CRYL1: variants seen among roughly 807,000 people sequenced by gnomAD.
CRYL1 encodes lambda-crystallin homolog.
In CRYL1, 29 loss-of-function variants were observed where a neutral mutation model predicts 36.6. The observed-to-expected ratio is 0.79, with a 90% CI of 0.59 to 1.08. The LOEUF is 1.08. CRYL1 is among the 50% of genes least tolerant of loss of function. The pLI, the probability that CRYL1 is intolerant of heterozygous loss-of-function variation, is 0.00. For missense variants in CRYL1, 411 were observed against 407.9 expected (o/e 1.01, Z -0.06); for synonymous variants, 152 against 151.5 (o/e 1.00, Z -0.02).
At chr13:20,421,553 T>G (rs951875931) in intron 5 of CRYL1, among the ~76,000 whole-genome samples, 2 of 152,172 alleles carry the variant, frequency 1.3e-5, no homozygotes, top group Non-Finnish European at 2.9e-5. Context: ...GCACAAAGGC[T>G]GGCTCCCACA....
At chr13:20,507,132 A>AT (rs2033808305) in intron 2 of CRYL1, among the ~76,000 whole-genome samples, 1 of 152,236 alleles carries the variant, frequency 6.6e-6, no homozygotes, top group South Asian at 2.1e-4. Flanking sequence ...CTATGACTCC[A>AT]TTAAACCTTT....
At chr13:20,420,902 T>G (rs939173656) in intron 5 of CRYL1, among the ~76,000 whole-genome samples, 1 of 151,826 alleles carries the variant, frequency 6.6e-6, no homozygotes, top group Non-Finnish European at 1.5e-5. Context: ...CCTGGCTAAT[T>G]TTTTGTATTT....
chr13:20,461,962 TGGGAGGGCAGCCTGGGGGAGGAGGAGGC>T (rs2032829289), intron 3 of CRYL1, among the ~76,000 whole-genome samples: 1 of 24,142 alleles, frequency 4.1e-5, no homozygotes, highest in Non-Finnish European at 8.2e-5. Flanking sequence ...GAGGAGGAGG[TGGGAGGGCAGCCTGGGGGAGGAGGAGGC>T]GGGAGGACTG....
chr13:20,492,490 G>A (rs9552204), intron 2 of CRYL1, among the ~76,000 whole-genome samples: 32,615 of 152,018 alleles, frequency 0.21, 3,635 homozygotes, highest in East Asian at 0.31. Context: ...GAGGTTTCAG[G>A]GAGAATGCAT....
At position 20,435,851 on chromosome 13, in the gene CRYL1, G is replaced by A. The variant is rs993815092; in HGVS notation, c.439-3555C>T. Among the ~76,000 whole-genome samples the A allele has an allele frequency of 6.6e-6, 1 of 152,146 alleles. No individual in the cohort carries two copies. The highest frequency in any genetic ancestry group is 1.5e-5 in the Non-Finnish European group (1 of 68,016). On this transcript the variant is annotated intron_variant, in intron 4 of 7. Transcript: ENST00000298248. This position sits in a 1 kb window ranked among gnomAD's most constrained non-coding sequence, Gnocchi z 4.0. ...CCAAAACGGCGAGGCCCACAGGGCC[G>A]ACAGCGCCCTCGCGGGAGGCAGCCG...
chr13:20,485,252 C>A (rs1201931967), intron 3 of CRYL1, among the ~76,000 whole-genome samples: 4 of 152,188 alleles, frequency 2.6e-5, no homozygotes. Context: ...CTACTGAGCT[C>A]AGGCAGTCTG....
At chr13:20,423,959 C>A (rs978602727) in intron 5 of CRYL1, among the ~76,000 whole-genome samples, 1 of 151,956 alleles carries the variant, frequency 6.6e-6, no homozygotes, top group Admixed American at 6.6e-5. Flanking sequence ...TTAATAGAGA[C>A]GGGGTTTCAC....
chr13:20,434,329 C>T (rs1301744328), intron 4 of CRYL1, among the ~76,000 whole-genome samples: 1 of 151,906 alleles, frequency 6.6e-6, no homozygotes, highest in Admixed American at 6.5e-5. Context: ...TTGTAAAATA[C>T]ACCAATCAGC....
rs560921626 is a variant in CRYL1, at chr13:20,466,235, A to G, written c.276+23135T>C. On this transcript the variant is annotated intron_variant, in intron 3 of 7. Transcript: ENST00000298248. ...GGCCTCGCAGCCTTCCATACGCCCCAATCTCCAAACAGAGGGGATTAGGAA... is the reference window on the plus strand; with the variant it reads ...GGCCTCGCAGCCTTCCATACGCCCCGATCTCCAAACAGAGGGGATTAGGAA... Among the ~76,000 whole-genome samples, 86 of 152,310 alleles carry G rather than the reference A, an allele frequency of 5.6e-4. No homozygotes were observed. In the South Asian group the frequency reaches 0.017, roughly 30 times the overall value.
chr13:20,436,848 T>TG (rs1426471631), intron 4 of CRYL1, among the ~76,000 whole-genome samples: 1 of 152,062 alleles, frequency 6.6e-6, no homozygotes, highest in African/African-American at 2.4e-5. Flanking sequence ...CACTAATGAT[T>TG]GAAACAAAGG....
At chr13:20,419,332 T>G (rs942180542) in intron 5 of CRYL1, among the ~76,000 whole-genome samples, 13 of 152,144 alleles carry the variant, frequency 8.5e-5, no homozygotes, top group Admixed American at 2.6e-4. Context: ...TTGCTCTTGT[T>G]GTCCAGGCTG....
intron 1 of CRYL1, among the ~76,000 whole-genome samples, chr13:20,521,135 AAAGAAGGAAGAAAGGAAGG>A (rs1315986341): frequency 7.9e-5 from 10 of 127,094 alleles, no homozygotes; most frequent in Admixed American, 7.7e-4. Context: ...GGAAAGAAAG[AAAGAAGGAAGAAAGGAAGG>A]AAGGAACGAA....
At chr13:20,449,018 C>T (rs1044483051) in intron 3 of CRYL1, among the ~76,000 whole-genome samples, 1 of 152,076 alleles carries the variant, frequency 6.6e-6, no homozygotes, top group African/African-American at 2.4e-5. Context: ...AAATACAAAA[C>T]TTAGCCAGGC....
intron 2 of CRYL1, among the ~76,000 whole-genome samples, chr13:20,493,819 A>C (rs1293516610): frequency 6.6e-6 from 1 of 152,206 alleles, no homozygotes; most frequent in Non-Finnish European, 1.5e-5. Flanking sequence ...AGAAAAGGAC[A>C]CAGCCACCCT....
At position 20,432,147 on chromosome 13, in the gene CRYL1, G is replaced by T; in HGVS notation, c.588C>A (p.Asn196Lys). Residue 196 changes from asparagine to lysine, a missense_variant, in exon 5 of 8, where the codon AAC (asparagine) becomes AAA (lysine). Physicochemically the swap from Asn to Lys is moderately conservative, Grantham distance 94 (BLOSUM62 0). Transcript: ENST00000298248. ...VQKEVAGFVL[N>K]RLQYAIISEA... ...CGCTGATGATTGCATATTGCAGGCG[G>T]TTCAGAACGAAGCCGGCCACCTCCT... 6.2e-7 allele frequency: 1 copy of T among 1,614,138 alleles called. No individual in the cohort carries two copies. Among genetic ancestry groups the T allele is most frequent in the Non-Finnish European group, 8.5e-7 (1 of 1,180,020 alleles).
At chr13:20,428,501 G>C (rs1034858285) in intron 5 of CRYL1, among the ~76,000 whole-genome samples, 1 of 152,094 alleles carries the variant, frequency 6.6e-6, no homozygotes, top group Non-Finnish European at 1.5e-5. Context: ...TCACAACAAA[G>C]CATAACCAGG....
chr13:20,413,523 C>T (rs543335059), intron 5 of CRYL1, 136 bp from the exon 6 acceptor site: 27 of 577,188 alleles, frequency 4.7e-5, no homozygotes, highest in African/African-American at 4.5e-4. Context: ...TACCACTTAC[C>T]GAATATGCTT....
At chr13:20,492,360 T>A (rs1314519428) in intron 2 of CRYL1, among the ~76,000 whole-genome samples, 1 of 152,242 alleles carries the variant, frequency 6.6e-6, no homozygotes, top group African/African-American at 2.4e-5. Context: ...TTATTGCTAC[T>A]GTAACAAATT....
At position 20,512,478 on chromosome 13, in the gene CRYL1, C is replaced by G; in HGVS notation, c.114G>C (p.Glu38Asp). 6.2e-7 allele frequency: 1 copy of G among 1,614,094 alleles called. No homozygotes were observed. The highest frequency in any genetic ancestry group is 1.1e-5 in the South Asian group (1 of 91,070). The stretch of plus-strand genomic sequence containing the variant: ...CCAGGGCGTTCCTTATCTGCTGTTG[C>G]TCAATGTCATAGAGTTTCACCTGGA... ...GGFQVKLYDI[E>D]QQQIRNALEN... The change falls in exon 2 of 8, where the codon GAG becomes GAC. Residue 38 changes from glutamate (E) to aspartate (D), a missense_variant. Glu to Asp is a conservative substitution (Grantham distance 45). Coordinates refer to ENST00000298248, the MANE Select transcript of CRYL1 (RefSeq NM_015974.3).
Sources: allele counts gnomAD v4.1 joint callset (sites outside exome capture counted in the v4.1 genomes callset), GRCh38; gene constraint gnomAD v4.1.1; non-coding constraint Gnocchi (gnomAD v3.1); transcripts MANE v1.5; gene names NCBI Gene and HGNC (gene_info 2026-07-23, HGNC 2026-07-21).